HMGB1: variants seen among roughly 807,000 people sequenced by gnomAD.
HMGB1 encodes high mobility group box 1, also known as high mobility group protein B1.
For missense variants in HMGB1, 79 were observed against 253.5 expected (o/e 0.31, Z 4.67); for synonymous variants, 81 against 84.0 (o/e 0.96, Z 0.19).
At chr13:30,552,356 C>T (rs1244201786) in intron 1 of HMGB1, among the ~76,000 whole-genome samples, 2 of 152,134 alleles carry the variant, frequency 1.3e-5, no homozygotes, top group East Asian at 1.9e-4. Context: ...TACATAACCA[C>T]AAGGATCATA....
Position 30,583,115 on chromosome 13 carries a change from C to T in HMGB1, c.-15+33556G>A, listed in dbSNP as rs577204320. Among the ~76,000 whole-genome samples the T allele has an allele frequency of 2.6e-5, 4 of 152,134 alleles. No individual in the cohort carries two copies. In the South Asian group the frequency reaches 8.3e-4, roughly 32 times the overall value. ...CTCCTGGCTTCAAGGGATCCTCCCA[C>T]CTCAACCTCCCAAAGTGATAGGATT... On this transcript the variant is annotated intron_variant, in intron 1 of 4. Coordinates refer to the HMGB1 transcript ENST00000405805.
At chr13:30,526,066 C>A (rs936130075) in intron 1 of HMGB1, among the ~76,000 whole-genome samples, 4 of 151,870 alleles carry the variant, frequency 2.6e-5, no homozygotes, top group African/African-American at 9.7e-5. Flanking sequence ...ACTTTTATTT[C>A]TTTTTTTTGA....
chr13:30,515,268 C>A (rs1180522851), intron 1 of HMGB1, among the ~76,000 whole-genome samples: 1 of 152,162 alleles, frequency 6.6e-6, no homozygotes, highest in Non-Finnish European at 1.5e-5. Context: ...GCCAACAGAA[C>A]CTGAATGAGC....
chr13:30,493,820 T>G lies in HMGB1; in HGVS notation c.-14-30126A>C, dbSNP rs118015972. Among the ~76,000 whole-genome samples, 1,086 of 151,636 alleles carry G rather than the reference T, an allele frequency of 7.2e-3. 6 individuals carry two copies. Among genetic ancestry groups the G allele is most frequent in the Middle Eastern group, 0.034 (10 of 294 alleles). On this transcript the variant is annotated intron_variant, in intron 1 of 4. Transcript: ENST00000405805. Reference sequence around the variant, plus strand: ...CTCTTACATAGAACAAAACAAAAACTCTTTGAATTGAGCCAGGTGTGGTTG... The same window carrying G: ...CTCTTACATAGAACAAAACAAAAACGCTTTGAATTGAGCCAGGTGTGGTTG...
At chr13:30,498,110 G>A (rs942286337) in intron 1 of HMGB1, among the ~76,000 whole-genome samples, 3 of 152,096 alleles carry the variant, frequency 2.0e-5, no homozygotes, top group Admixed American at 6.6e-5. Context: ...CCACAACCTC[G>A]CAAGCATCTG....
chr13:30,573,714 G>A (rs1259110347), intron 1 of HMGB1, among the ~76,000 whole-genome samples: 5 of 150,292 alleles, frequency 3.3e-5, no homozygotes, highest in African/African-American at 7.4e-5. Context: ...GCAATGGCAC[G>A]ATCATGGCTC....
At chr13:30,563,699 T>G (rs1392632228) in intron 1 of HMGB1, among the ~76,000 whole-genome samples, 1 of 152,230 alleles carries the variant, frequency 6.6e-6, no homozygotes, top group African/African-American at 2.4e-5. Flanking sequence ...AGCACAATTA[T>G]TTTTCTGCAG....
intron 1 of HMGB1, among the ~76,000 whole-genome samples, chr13:30,475,960 T>C (rs1275740939): frequency 1.3e-5 from 2 of 152,132 alleles, no homozygotes; most frequent in Non-Finnish European, 2.9e-5. Flanking sequence ...CTGCAGACAT[T>C]TGAGTTGGGG....
intron 1 of HMGB1, among the ~76,000 whole-genome samples, chr13:30,577,506 T>A (rs2137539316): frequency 6.6e-6 from 1 of 152,276 alleles, no homozygotes; most frequent in Middle Eastern, 3.4e-3. Context: ...CCAAGCTGAC[T>A]CATCAGTGAC....
At chr13:30,569,578 T>C (rs979453926) in intron 1 of HMGB1, among the ~76,000 whole-genome samples, 1 of 152,180 alleles carries the variant, frequency 6.6e-6, no homozygotes, top group Non-Finnish European at 1.5e-5. Context: ...ATGAGAACAC[T>C]GAGAAGACAA....
At chr13:30,472,741 G>T (rs1886975361) in intron 1 of HMGB1, among the ~76,000 whole-genome samples, 1 of 152,116 alleles carries the variant, frequency 6.6e-6, no homozygotes. Context: ...TCTCTTGTCT[G>T]CTTTGCAAAA....
intron 1 of HMGB1, among the ~76,000 whole-genome samples, chr13:30,480,459 C>G (rs1337097632): frequency 6.6e-6 from 1 of 152,156 alleles, no homozygotes; most frequent in Admixed American, 6.5e-5. Flanking sequence ...TGCCCAGGCT[C>G]AAGGGATCCT....
chr13:30,491,896 C>T lies in HMGB1; in HGVS notation c.-14-28202G>A, dbSNP rs375588164. On this transcript the variant is annotated intron_variant, in intron 1 of 4. Transcript: ENST00000405805. ...TTAGAAAGATATCATTGGCCAGGTGCGGTGGCTTACGCCTGTAATCCCAGC... is the reference window on the plus strand; with the variant it reads ...TTAGAAAGATATCATTGGCCAGGTGTGGTGGCTTACGCCTGTAATCCCAGC... Among the ~76,000 whole-genome samples the T allele has an allele frequency of 8.5e-5, 13 of 152,260 alleles. No homozygotes were observed. The East Asian group carries it at 1.9e-3, about 23-fold the overall frequency.
chr13:30,551,272 T>A (rs2137513233), intron 1 of HMGB1, among the ~76,000 whole-genome samples: 1 of 152,356 alleles, frequency 6.6e-6, no homozygotes, highest in South Asian at 2.1e-4. Context: ...ACTAATTTTT[T>A]TCCTCCGCAA....
intron 1 of HMGB1, among the ~76,000 whole-genome samples, chr13:30,605,870 T>C (rs1209994661): frequency 1.3e-5 from 2 of 152,222 alleles, no homozygotes; most frequent in African/African-American, 4.8e-5. Flanking sequence ...GTATGTACTG[T>C]GTATTGTTTG....
At chr13:30,487,676 G>A (rs551211909) in intron 1 of HMGB1, among the ~76,000 whole-genome samples, 50 of 151,912 alleles carry the variant, frequency 3.3e-4, no homozygotes, top group African/African-American at 1.1e-3. Flanking sequence ...TTTATTTTAC[G>A]GGCTAAAAAA....
chr13:30,597,995 G>A (rs1319409260), intron 1 of HMGB1, among the ~76,000 whole-genome samples: 1 of 152,192 alleles, frequency 6.6e-6, no homozygotes, highest in African/African-American at 2.4e-5. Context: ...TAGCCTTAGA[G>A]TAGCTGTCCC....
At chr13:30,493,433 G>A (rs999855485) in intron 1 of HMGB1, among the ~76,000 whole-genome samples, 9 of 152,202 alleles carry the variant, frequency 5.9e-5, no homozygotes, top group African/African-American at 2.4e-5. Context: ...AGAAGGATAA[G>A]GGAAACGAGA....
At chr13:30,599,089 T>G (rs1160992941) in intron 1 of HMGB1, among the ~76,000 whole-genome samples, 1 of 152,060 alleles carries the variant, frequency 6.6e-6, no homozygotes, top group African/African-American at 2.4e-5. Flanking sequence ...ACCAACAGTT[T>G]TAGTTTTGAA....
Sources: gnomAD v4.1 joint callset for allele counts (sites outside exome capture counted in the v4.1 genomes callset) on GRCh38, gnomAD v4.1.1 for gene constraint, MANE v1.5 for transcripts, NCBI Gene and HGNC (gene_info 2026-07-23, HGNC 2026-07-21) for gene names.